Variants in USP32 observed in about 807,000 individuals in gnomAD.
USP32 encodes the protein ubiquitin specific peptidase 32.
Under a neutral mutation model 204.8 loss-of-function variants are expected in USP32, and 59 were observed. The ratio of observed to expected loss-of-function variants is 0.29; its 90% confidence interval spans 0.23 to 0.36. The LOEUF (loss-of-function observed/expected upper bound fraction) is 0.36, where lower values mean the gene tolerates loss of function less well. Among genes scored for constraint, USP32 ranks in the 10% least tolerant of loss-of-function variants. USP32 has a pLI of 1.00. For synonymous variants in USP32, 517 were observed against 678.4 expected, an observed-to-expected ratio of 0.76 and a Z score of 3.70; for missense variants, 1,160 against 1,946.4, an observed-to-expected ratio of 0.60 and a Z score of 7.60.
intron 1 of USP32, among the ~76,000 whole-genome samples, chr17:60,347,155 A>C (rs1389405453): frequency 6.6e-6 from 1 of 152,148 alleles, no homozygotes; most frequent in Admixed American, 6.6e-5. Flanking sequence ...ACTTGAAGCT[A>C]GACTGAGAGT....
intron 1 of USP32, among the ~76,000 whole-genome samples, chr17:60,413,885 A>G (rs12938362): frequency 2.1e-5 from 3 of 140,482 alleles, no homozygotes; most frequent in African/African-American, 5.0e-5. Context: ...AGAAAAAAAA[A>G]AAAAAAAAAA....
intron 1 of USP32, among the ~76,000 whole-genome samples, chr17:60,360,123 C>G (rs987988933): frequency 1.3e-5 from 2 of 151,746 alleles, no homozygotes; most frequent in African/African-American, 4.8e-5. Flanking sequence ...CTGCCTCAGC[C>G]TCCTAAAGTG....
At position 60,288,602 on chromosome 17, in the gene USP32, T is replaced by C. The variant is rs760959071; in HGVS notation, c.492A>G (p.Leu164=). ...KDAFTFSRWL[L]SGGVYVTLTD... ...TGAGGGTAACATACACACCTCCAGA[T>C]AGAAGCCATCGAGAGAAAGTAAAAG... is the stretch of plus-strand genomic sequence containing the variant. Residue 164 remains leucine (L), a synonymous_variant, in exon 5 of 34, where the codon CTA becomes CTG. Coordinates refer to ENST00000300896, the MANE Select transcript of USP32 (RefSeq NM_032582.4). 7 of 1,613,874 alleles carry C rather than the reference T, an allele frequency of 4.3e-6. No homozygotes were observed. Among genetic ancestry groups the C allele is most frequent in the Admixed American group, 1.7e-5 (1 of 59,946 alleles).
chr17:60,379,699 A>C (rs1050312161), intron 1 of USP32, among the ~76,000 whole-genome samples: 5 of 152,240 alleles, frequency 3.3e-5, no homozygotes, highest in African/African-American at 1.2e-4. Context: ...TAAAATTCCA[A>C]ATTGGGAGTT....
At chr17:60,299,163 A>C (rs1567837748) in intron 3 of USP32, among the ~76,000 whole-genome samples, 1 of 152,126 alleles carries the variant, frequency 6.6e-6, no homozygotes, top group Non-Finnish European at 1.5e-5. Flanking sequence ...CAAAAACAAA[A>C]ACAAAACCAC....
At chr17:60,292,589 C>G (rs949850222) in intron 4 of USP32, among the ~76,000 whole-genome samples, 7 of 152,080 alleles carry the variant, frequency 4.6e-5, no homozygotes, top group African/African-American at 1.7e-4. Flanking sequence ...AATTCTAGGC[C>G]AACTCTACCT....
At chr17:60,340,144 A>G (rs1341454199) in intron 2 of USP32, among the ~76,000 whole-genome samples, 1 of 152,140 alleles carries the variant, frequency 6.6e-6, no homozygotes, top group Non-Finnish European at 1.5e-5. Context: ...GGTCATATGC[A>G]CTGACCCTTC....
intron 26 of USP32, among the ~76,000 whole-genome samples, chr17:60,200,913 G>A (rs911338692): frequency 5.9e-5 from 9 of 152,252 alleles, no homozygotes; most frequent in East Asian, 1.9e-4. Flanking sequence ...AGGCTGGAGC[G>A]TAGTGGTGTG....
At chr17:60,371,605 TGGCCAACATGCA>T (rs1229719624) in intron 1 of USP32, among the ~76,000 whole-genome samples, 1 of 151,964 alleles carries the variant, frequency 6.6e-6, no homozygotes, top group Non-Finnish European at 1.5e-5. Context: ...CATGTATAAA[TGGCCAACATGCA>T]CATATAAAGG....
At chr17:60,313,555 G>A (rs1301001974) in intron 2 of USP32, among the ~76,000 whole-genome samples, 2 of 151,870 alleles carry the variant, frequency 1.3e-5, no homozygotes, top group Non-Finnish European at 2.9e-5. Context: ...TGAAGTCTAA[G>A]CAAAGAACAT....
intron 16 of USP32, among the ~76,000 whole-genome samples, chr17:60,216,801 T>C (rs1337472907): frequency 6.6e-6 from 1 of 152,202 alleles, no homozygotes; most frequent in Non-Finnish European, 1.5e-5. Flanking sequence ...TGATCAGTTT[T>C]TGAACACATA....
intron 2 of USP32, among the ~76,000 whole-genome samples, chr17:60,302,196 C>T (rs1241429422): frequency 5.3e-5 from 8 of 151,786 alleles, no homozygotes; most frequent in African/African-American, 1.2e-4. Context: ...AGTGCAATGG[C>T]GTCATCTTGG....
chr17:60,266,326 C>T (rs147296142), intron 7 of USP32, among the ~76,000 whole-genome samples: 1 of 152,144 alleles, frequency 6.6e-6, no homozygotes, highest in Non-Finnish European at 1.5e-5. Context: ...TAAGACCCTA[C>T]CCTTCAGCCA....
chr17:60,330,684 C>T (rs1313224627), intron 2 of USP32, among the ~76,000 whole-genome samples: 4 of 152,000 alleles, frequency 2.6e-5, no homozygotes, highest in Non-Finnish European at 5.9e-5. Flanking sequence ...GTAGCTGGGA[C>T]TACAGACACA....
intron 5 of USP32, among the ~76,000 whole-genome samples, chr17:60,272,460 C>T (rs762781298): frequency 1.4e-4 from 21 of 152,240 alleles, no homozygotes; most frequent in Non-Finnish European, 2.4e-4. Flanking sequence ...ATTTACAAAG[C>T]GTACATAGGA....
chr17:60,346,849 G>A (rs2088798368), intron 1 of USP32, among the ~76,000 whole-genome samples: 1 of 152,202 alleles, frequency 6.6e-6, no homozygotes, highest in South Asian at 2.1e-4. Context: ...AAAGTACAAT[G>A]AAGTATAAAA....
Position 60,179,419 on chromosome 17 carries a change from G to C in USP32, c.4651C>G (p.Pro1551Ala). The C allele has an allele frequency of 6.2e-7, 1 of 1,612,032 alleles. No homozygotes were observed. The highest frequency in any genetic ancestry group is 2.2e-5 in the East Asian group (1 of 44,878). The change falls in exon 34 of 34, where the codon CCG (proline) becomes GCG (alanine). Residue 1551 changes from proline (P) to alanine (A), a missense_variant. Around this residue, in one of 8 missense-constraint regions of USP32, gnomAD observed 244 missense variants for 342.3 expected, o/e 0.71. Coordinates refer to ENST00000300896, the MANE Select transcript of USP32 (RefSeq NM_032582.4). ...YNDSSCKELH[P>A]DEIDTDSAYI... ...GCAGAGTCGGTGTCAATTTCATCCG[G>C]GTGAAGTTCCTGAAAGGGCAAGAAA...
intron 1 of USP32, among the ~76,000 whole-genome samples, chr17:60,408,631 C>A (rs1350464313): frequency 6.6e-6 from 1 of 151,912 alleles, no homozygotes; most frequent in African/African-American, 2.4e-5. Context: ...GCCCACCTCA[C>A]CCTCCCAAAG....
chr17:60,290,715 G>A (rs890716665), intron 4 of USP32, among the ~76,000 whole-genome samples: 1 of 152,050 alleles, frequency 6.6e-6, no homozygotes, highest in Non-Finnish European at 1.5e-5. Flanking sequence ...ACAGCTGGGT[G>A]GGGGGCTGCT....
Sources: allele counts gnomAD v4.1 joint callset (sites outside exome capture counted in the v4.1 genomes callset), GRCh38; gene constraint gnomAD v4.1.1; regional missense constraint gnomAD v4.1.1; transcripts MANE v1.5; gene names NCBI Gene and HGNC (gene_info 2026-07-23, HGNC 2026-07-21).